EPHA3: variants seen among roughly 807,000 people sequenced by gnomAD.
EPHA3 encodes the protein ephrin type-A receptor 3.
EPHA3 carries 42 observed loss-of-function variants against 107.1 expected under a neutral mutation model. That is an observed-to-expected ratio of 0.39 (90% confidence interval 0.31 to 0.51). The LOEUF (loss-of-function observed/expected upper bound fraction) is 0.51. EPHA3 is among the 20% of genes least tolerant of loss of function. The pLI is 0.78. For missense variants in EPHA3, 1,183 were observed against 1,211.2 expected (o/e 0.98, Z 0.35); for synonymous variants, 461 against 424.8 (o/e 1.09, Z -1.05).
chr3:89,247,487 T>A (rs1366012010), intron 3 of EPHA3, among the ~76,000 whole-genome samples: 1 of 152,190 alleles, frequency 6.6e-6, no homozygotes, highest in Admixed American at 6.5e-5. Flanking sequence ...GCTTTAACTT[T>A]ATTTATGTGT....
chr3:89,286,092 A>G (rs1706075084), intron 3 of EPHA3, among the ~76,000 whole-genome samples: 1 of 149,580 alleles, frequency 6.7e-6, no homozygotes. Flanking sequence ...TAAGTTTCAA[A>G]CTTTAAACTA....
chr3:89,137,899 G>A (rs1200690694), intron 2 of EPHA3, among the ~76,000 whole-genome samples: 1 of 151,952 alleles, frequency 6.6e-6, no homozygotes, highest in Non-Finnish European at 1.5e-5. Flanking sequence ...TACAGTAGTT[G>A]TTAGAAATGC....
intron 3 of EPHA3, among the ~76,000 whole-genome samples, chr3:89,237,170 TGGCCAACA>T (rs762879241): frequency 1.8e-4 from 27 of 152,220 alleles, no homozygotes; most frequent in Non-Finnish European, 3.7e-4. Context: ...AAGACCAGCC[TGGCCAACA>T]GGCCAACAGG....
chr3:89,417,173 A>T (rs1049928911), intron 10 of EPHA3, among the ~76,000 whole-genome samples: 1 of 151,454 alleles, frequency 6.6e-6, no homozygotes, highest in Non-Finnish European at 1.5e-5. Flanking sequence ...CAACAGCTTT[A>T]TGAGGTAGAT....
At chr3:89,466,524 A>G (rs558928318) in intron 15 of EPHA3, among the ~76,000 whole-genome samples, 1 of 133,782 alleles carries the variant, frequency 7.5e-6, no homozygotes, top group South Asian at 2.2e-4. Context: ...TGTGGGATAT[A>G]GTCTTGTGGT....
chr3:89,370,022 G>A (rs1370133901), intron 5 of EPHA3, among the ~76,000 whole-genome samples: 2 of 150,632 alleles, frequency 1.3e-5, no homozygotes, highest in Non-Finnish European at 3.0e-5. Flanking sequence ...TGCTGGAGAG[G>A]ATGTGGAGAA....
intron 1 of EPHA3, among the ~76,000 whole-genome samples, chr3:89,119,023 G>A (rs1429329492): frequency 6.6e-6 from 1 of 151,854 alleles, no homozygotes; most frequent in African/African-American, 2.4e-5. Flanking sequence ...GAGATTAGAA[G>A]CTTTGCTTAA....
intron 3 of EPHA3, among the ~76,000 whole-genome samples, chr3:89,224,066 ATATC>A (rs1249319683): frequency 1.3e-5 from 2 of 152,182 alleles, no homozygotes; most frequent in Non-Finnish European, 2.9e-5. Context: ...TACTATAACA[ATATC>A]TAACAAAAAA....
At chr3:89,370,555 C>G (rs1168648224) in intron 5 of EPHA3, among the ~76,000 whole-genome samples, 1 of 151,508 alleles carries the variant, frequency 6.6e-6, no homozygotes. Context: ...ATACTTAATG[C>G]TAAATGACGA....
intron 2 of EPHA3, among the ~76,000 whole-genome samples, chr3:89,172,475 G>A (rs1559584321): frequency 2.0e-5 from 3 of 152,144 alleles, no homozygotes; most frequent in Non-Finnish European, 2.9e-5. Flanking sequence ...AGACCCACAT[G>A]TGTCCTTAGC....
At chr3:89,455,842 T>C (rs1391471899) in intron 15 of EPHA3, among the ~76,000 whole-genome samples, 2 of 152,232 alleles carry the variant, frequency 1.3e-5, no homozygotes, top group East Asian at 3.9e-4. Context: ...TTTAACATCA[T>C]TATTCTTTTA....
chr3:89,366,203 A>G (rs1399807857), intron 5 of EPHA3, among the ~76,000 whole-genome samples: 5 of 150,498 alleles, frequency 3.3e-5, no homozygotes, highest in Middle Eastern at 6.5e-3. Context: ...GTTTAAGGGA[A>G]TATTTACACA....
chr3:89,128,525 T>A (rs1368329424), intron 2 of EPHA3, among the ~76,000 whole-genome samples: 1 of 152,038 alleles, frequency 6.6e-6, no homozygotes. Flanking sequence ...CTCACCTTAA[T>A]TTGATTTTAG....
intron 1 of EPHA3, among the ~76,000 whole-genome samples, chr3:89,110,964 A>C (rs1193922496): frequency 6.6e-6 from 1 of 152,000 alleles, no homozygotes; most frequent in African/African-American, 2.4e-5. Context: ...TTTTCTATCC[A>C]AAAGAGTTCA....
chr3:89,388,020 A>T (rs1708656433), intron 5 of EPHA3, among the ~76,000 whole-genome samples: 1 of 152,164 alleles, frequency 6.6e-6, no homozygotes, highest in Non-Finnish European at 1.5e-5. Flanking sequence ...TTTTCAGTGT[A>T]TTATGTCTTA....
At chr3:89,377,697 G>T (rs1409012487) in intron 5 of EPHA3, among the ~76,000 whole-genome samples, 2 of 152,126 alleles carry the variant, frequency 1.3e-5, no homozygotes, top group African/African-American at 4.8e-5. Context: ...AACTTGAAAA[G>T]CATGTTTCTA....
At chr3:89,298,361 AC>A (rs1485457679) in intron 3 of EPHA3, among the ~76,000 whole-genome samples, 2 of 152,092 alleles carry the variant, frequency 1.3e-5, no homozygotes, top group African/African-American at 4.8e-5. Context: ...ATTTCCTAAA[AC>A]CCAAGAATTT....
rs1351580744 is a variant in EPHA3 at position 89,480,345 on chromosome 3, C to T, written c.*843C>T. ...AATCCTTTTCCTGTTCATACACTAA[C>T]CAAATCTCTCAAATCTGTTATCCCA... On this transcript the variant is annotated 3_prime_UTR_variant, in exon 17 of 17. Transcript: ENST00000336596. 4.3e-6 allele frequency: 1 copy of T among 233,084 alleles called. No homozygotes were observed. Among genetic ancestry groups the T allele is most frequent in the Non-Finnish European group, 8.5e-6 (1 of 117,812 alleles). The allele number at this position is 233,084 out of a possible 1,614,324, so 14.4% of individuals were successfully genotyped here.
At chr3:89,400,684 AATGTGCTAATAT>A (rs958493388) in intron 7 of EPHA3, among the ~76,000 whole-genome samples, 3 of 151,876 alleles carry the variant, frequency 2.0e-5, no homozygotes, top group African/African-American at 7.3e-5. Context: ...ATATGCTAAA[AATGTGCTAATAT>A]ATCCCACACT....
Sources: gnomAD v4.1 joint callset for allele counts (sites outside exome capture counted in the v4.1 genomes callset) on GRCh38, gnomAD v4.1.1 for gene constraint, MANE v1.5 for transcripts, NCBI Gene and HGNC (gene_info 2026-07-23, HGNC 2026-07-21) for gene names.